The following ERICH3 variants were observed in gnomAD, a reference collection of about 807,000 sequenced individuals.
ERICH3 encodes the protein glutamate rich 3.
Under a neutral mutation model 131.1 loss-of-function variants are expected in ERICH3, and 126 were observed. That is an observed-to-expected ratio of 0.96 (90% CI 0.83 to 1.11). ERICH3 has a LOEUF of 1.11. ERICH3 is among the 50% of genes most tolerant of loss of function. ERICH3 has a pLI of 0.00. For missense variants in ERICH3, 2,050 were observed against 1,810.7 expected (o/e 1.13, Z -2.40); for synonymous variants, 695 against 644.6 (o/e 1.08, Z -1.18).
At chr1:74,596,369 T>C (rs1647851039) in intron 11 of ERICH3, among the ~76,000 whole-genome samples, 1 of 152,052 alleles carries the variant, frequency 6.6e-6, no homozygotes, top group Non-Finnish European at 1.5e-5. Context: ...TTATTGTATA[T>C]ATTTATGAGA....
chr1:74,630,543 G>A (rs984342006), intron 7 of ERICH3, among the ~76,000 whole-genome samples: 3 of 152,146 alleles, frequency 2.0e-5, no homozygotes, highest in African/African-American at 7.2e-5. Context: ...CCATAAAATT[G>A]TGAGCAAGAA....
chr1:74,627,459 T>C (rs1649456257), intron 7 of ERICH3, among the ~76,000 whole-genome samples: 2 of 151,990 alleles, frequency 1.3e-5, no homozygotes, highest in South Asian at 4.1e-4. Flanking sequence ...ACTAAGATGG[T>C]AGAAATAAGT....
At chr1:74,666,341 T>C (rs968699694) in intron 1 of ERICH3, among the ~76,000 whole-genome samples, 1 of 152,196 alleles carries the variant, frequency 6.6e-6, no homozygotes, top group Non-Finnish European at 1.5e-5. Context: ...ATATCTACAC[T>C]CTTCAATGTT....
Position 74,648,004 on chromosome 1 carries a change from C to A in ERICH3, c.118-1212G>T, listed in dbSNP as rs906398453. Reference sequence around the variant, plus strand: ...CTTGACCATGCATCAGAACCACCTGCAGGGCTTGTTGAAAAACTGATAGGT... The same window carrying A: ...CTTGACCATGCATCAGAACCACCTGAAGGGCTTGTTGAAAAACTGATAGGT... On this transcript the variant is annotated intron_variant, in intron 2 of 14. Transcript: ENST00000326665. Among the ~76,000 whole-genome samples the A allele has an allele frequency of 3.9e-5, 6 of 152,114 alleles. No individual in the cohort carries two copies. The South Asian group carries it at 1.2e-3, about 31-fold the overall frequency.
intron 5 of ERICH3, among the ~76,000 whole-genome samples, chr1:74,637,362 C>T (rs542666256): frequency 2.0e-5 from 3 of 152,222 alleles, no homozygotes; most frequent in Admixed American, 1.3e-4. Context: ...CCCCATTAGG[C>T]CTGGGTGCTG....
intron 9 of ERICH3, among the ~76,000 whole-genome samples, chr1:74,609,312 T>C (rs1385047080): frequency 6.6e-6 from 1 of 152,068 alleles, no homozygotes; most frequent in Non-Finnish European, 1.5e-5. Context: ...CTCTGTTGTT[T>C]TATTGTACCA....
chr1:74,627,961 G>A (rs1248700433), intron 7 of ERICH3, among the ~76,000 whole-genome samples: 3 of 152,040 alleles, frequency 2.0e-5, no homozygotes, highest in Non-Finnish European at 4.4e-5. Context: ...GACCATGCAT[G>A]GTGCCATTTA....
Position 74,586,462 on chromosome 1 carries a change from C to A in ERICH3, c.2176+3169G>T. 3.0e-6 allele frequency: 3 copies of A among 984,326 alleles called. No individual in the cohort carries two copies. In the South Asian group the frequency reaches 1.4e-4, roughly 46 times the overall value. 61.0% of individuals were successfully genotyped at this position (984,326 alleles called of 1,614,324 possible). On this transcript the variant is annotated intron_variant, in intron 12 of 14. Transcript: ENST00000326665. ...CTGGAGAAAAAGAGTAAAGGTTGGG[C>A]GAGAAAGACTTTCACTTTCACTTTA...
chr1:74,589,570 T>C (rs1033423593), intron 12 of ERICH3, 61 bp downstream of exon 12: 5 of 1,508,842 alleles, frequency 3.3e-6, no homozygotes, highest in Non-Finnish European at 4.6e-6. Flanking sequence ...CATAGTGCAA[T>C]GACCAAAATC....
Position 74,656,081 on chromosome 1 carries a change from C to A in ERICH3, c.24-6766G>T, listed in dbSNP as rs184676511. On this transcript the variant is annotated intron_variant, in intron 1 of 14. Coordinates refer to ENST00000326665, the MANE Select transcript of ERICH3 (RefSeq NM_001002912.5). ...TGGGTTTTGCCCAGCAGGCCTGAAC[C>A]CAAACTGAGGACTTGAACATTCCCA... Among the ~76,000 whole-genome samples the A allele has an allele frequency of 1.4e-4, 21 of 152,246 alleles. No homozygotes were observed. The East Asian group carries it at 3.9e-3, about 28-fold the overall frequency.
chr1:74,649,121 G>C (rs901221642), intron 2 of ERICH3, 101 bp downstream of exon 2: 5 of 740,380 alleles, frequency 6.8e-6, no homozygotes, highest in Non-Finnish European at 1.1e-5. Flanking sequence ...TCTAAAATGA[G>C]GGCAAGTGGA....
intron 1 of ERICH3, among the ~76,000 whole-genome samples, chr1:74,656,675 T>A (rs1646587925): frequency 6.6e-6 from 1 of 152,198 alleles, no homozygotes; most frequent in Non-Finnish European, 1.5e-5. Context: ...ATTTTTGGAA[T>A]ATAGAAATTC....
At chr1:74,611,168 C>G (rs1391045509) in intron 9 of ERICH3, among the ~76,000 whole-genome samples, 1 of 152,140 alleles carries the variant, frequency 6.6e-6, no homozygotes, top group Non-Finnish European at 1.5e-5. Context: ...CTCAGCATTT[C>G]TACTTGCTTA....
At chr1:74,586,652 C>G (rs1223998711) in intron 12 of ERICH3, 2 of 298,664 alleles carry the variant, frequency 6.7e-6, no homozygotes, top group Non-Finnish European at 4.9e-6. Flanking sequence ...TAATAAGACA[C>G]TAAAGTACTA....
At chr1:74,633,461 G>A (rs1412116560) in intron 6 of ERICH3, among the ~76,000 whole-genome samples, 2 of 151,700 alleles carry the variant, frequency 1.3e-5, no homozygotes, top group East Asian at 3.9e-4. Flanking sequence ...TTGTGTTTAA[G>A]GATTTAAAAC....
At position 74,569,268 on chromosome 1, in the gene ERICH3, T is replaced by A. The variant is rs1283626339; in HGVS notation, c.*1190A>T. The A allele has an allele frequency of 6.6e-6, 1 of 152,154 alleles. No individual in the cohort carries two copies. The highest frequency in any genetic ancestry group is 1.9e-4 in the East Asian group (1 of 5,194). 9.4% of individuals were successfully genotyped at this position (152,154 alleles called of 1,614,324 possible). A position where few individuals can be genotyped will look rare whatever the true frequency, so the allele number is the denominator to read the frequency against. On this transcript the variant is annotated 3_prime_UTR_variant, in exon 15 of 15. Transcript: ENST00000326665. ...GGGTGGGGAAAAGGGTTGAGTCATT[T>A]ATAAAAGCGTCCCATGAAAATCTAA... is the stretch of plus-strand genomic sequence containing the variant.
chr1:74,642,816 T>C (rs1646447780), intron 4 of ERICH3, among the ~76,000 whole-genome samples: 2 of 152,130 alleles, frequency 1.3e-5, no homozygotes, highest in African/African-American at 4.8e-5. Flanking sequence ...TGTGCCTCAT[T>C]AAAATTTATT....
rs966756980 is a variant in ERICH3 at position 74,569,262 on chromosome 1, G to A, written c.*1196C>T. ...TCTCTGGGGTGGGGAAAAGGGTTGA[G>A]TCATTTATAAAAGCGTCCCATGAAA... On this transcript the variant is annotated 3_prime_UTR_variant, in exon 15 of 15. Transcript: ENST00000326665. 1.3e-5 allele frequency: 2 copies of A among 152,102 alleles called. No homozygotes were observed. 9.4% of individuals were successfully genotyped at this position (152,102 alleles called of 1,614,324 possible). A position where few individuals can be genotyped will look rare whatever the true frequency, so the allele number is the denominator to read the frequency against.
intron 12 of ERICH3, among the ~76,000 whole-genome samples, chr1:74,587,763 AT>A (rs1647402012): frequency 6.6e-6 from 1 of 152,184 alleles, no homozygotes; most frequent in Admixed American, 6.6e-5. Flanking sequence ...GCTTGTATAC[AT>A]TTTCTAGATG....
Sources: allele counts gnomAD v4.1 joint callset (sites outside exome capture counted in the v4.1 genomes callset), GRCh38; gene constraint gnomAD v4.1.1; transcripts MANE v1.5; gene names NCBI Gene and HGNC (gene_info 2026-07-23, HGNC 2026-07-21).